The following FLVCR2 variants were observed in gnomAD, a reference collection of about 807,000 sequenced individuals.
FLVCR2 encodes choline/ethanolamine transporter FLVCR2.
In FLVCR2, 38 loss-of-function variants were observed where a neutral mutation model predicts 48.9. The observed-to-expected ratio is 0.78, with a 90% CI of 0.60 to 1.02. The LOEUF is 1.02. FLVCR2 is among the 50% of genes least tolerant of loss of function. The pLI, the probability that FLVCR2 is intolerant of heterozygous loss-of-function variation, is 0.00. For synonymous variants in FLVCR2, 255 were observed against 257.0 expected, an observed-to-expected ratio of 0.99 and a Z score of 0.07; for missense variants, 664 against 663.3, an observed-to-expected ratio of 1.00 and a Z score of -0.01.
At chr14:75,609,749 A>G (rs1889389776) in intron 1 of FLVCR2, among the ~76,000 whole-genome samples, 1 of 152,224 alleles carries the variant, frequency 6.6e-6, no homozygotes, top group Non-Finnish European at 1.5e-5. Flanking sequence ...CAGATTTAGA[A>G]GGAAACATGG....
At chr14:75,642,366 G>T (rs1275324924) in intron 9 of FLVCR2, among the ~76,000 whole-genome samples, 1 of 152,232 alleles carries the variant, frequency 6.6e-6, no homozygotes, top group Non-Finnish European at 1.5e-5. Flanking sequence ...GGGCCATGGG[G>T]ACGGAGCCAA....
chr14:75,636,319 G>A (rs771904498), intron 5 of FLVCR2, among the ~76,000 whole-genome samples: 1 of 152,088 alleles, frequency 6.6e-6, no homozygotes, highest in Non-Finnish European at 1.5e-5. Context: ...GGGAGGTGGC[G>A]ACGAGGAGCC....
chr14:75,645,575 C>T (rs1229521844), intron 9 of FLVCR2, among the ~76,000 whole-genome samples: 1 of 152,188 alleles, frequency 6.6e-6, no homozygotes, highest in Non-Finnish European at 1.5e-5. Context: ...ATTGAGCTTA[C>T]ATATGCAATT....
intron 1 of FLVCR2, among the ~76,000 whole-genome samples, chr14:75,584,404 TGCATATTGA>T (rs1468612418): frequency 8.5e-6 from 1 of 117,728 alleles, no homozygotes; most frequent in Non-Finnish European, 1.7e-5. Context: ...GGTGATAAAA[TGCATATTGA>T]GAATAAGGCG....
chr14:75,583,680 TA>T (rs1017256506), intron 1 of FLVCR2, among the ~76,000 whole-genome samples: 110 of 152,114 alleles, frequency 7.2e-4, no homozygotes, highest in African/African-American at 2.6e-3. Context: ...TGGGGATAAC[TA>T]AAAAGGAGTG....
At chr14:75,580,893 G>C (rs1156369910) in intron 1 of FLVCR2, among the ~76,000 whole-genome samples, 2 of 152,168 alleles carry the variant, frequency 1.3e-5, no homozygotes, top group Non-Finnish European at 2.9e-5. Flanking sequence ...GGTCACAGGG[G>C]ATAGGATGGC....
intron 1 of FLVCR2, among the ~76,000 whole-genome samples, chr14:75,585,874 G>T (rs11628820): frequency 0.013 from 1,924 of 152,286 alleles, 24 homozygotes; most frequent in South Asian, 0.027. Flanking sequence ...TAGCAAGAGA[G>T]GAAGATTGAA....
intron 4 of FLVCR2, among the ~76,000 whole-genome samples, chr14:75,634,636 T>A (rs1187114513): frequency 3.9e-5 from 6 of 152,214 alleles, no homozygotes; most frequent in South Asian, 2.1e-4. Flanking sequence ...TTACATTTTT[T>A]AAAAAATTTG....
chr14:75,584,305 T>G (rs1181150532), intron 1 of FLVCR2, among the ~76,000 whole-genome samples: 1 of 152,234 alleles, frequency 6.6e-6, no homozygotes, highest in Non-Finnish European at 1.5e-5. Flanking sequence ...ATTGTACACC[T>G]TGAAGGCGAG....
At chr14:75,589,058 T>TA (rs1566782843) in intron 1 of FLVCR2, among the ~76,000 whole-genome samples, 37 of 151,922 alleles carry the variant, frequency 2.4e-4, no homozygotes, top group African/African-American at 7.5e-4. Flanking sequence ...ATTTTTTTTT[T>TA]TAAAAAAAGA....
At chr14:75,601,188 G>A (rs1286964059) in intron 1 of FLVCR2, among the ~76,000 whole-genome samples, 1 of 152,276 alleles carries the variant, frequency 6.6e-6, no homozygotes, top group African/African-American at 2.4e-5. Flanking sequence ...TGAATTAATT[G>A]CAGCAGGAAC....
chr14:75,604,528 G>A (rs1041284344), intron 1 of FLVCR2, among the ~76,000 whole-genome samples: 2 of 151,644 alleles, frequency 1.3e-5, no homozygotes, highest in Non-Finnish European at 2.9e-5. Context: ...TTCAAGACCA[G>A]CCTGGGCAAC....
chr14:75,614,926 G>A (rs963230814), intron 1 of FLVCR2, among the ~76,000 whole-genome samples: 1 of 152,132 alleles, frequency 6.6e-6, no homozygotes, highest in African/African-American at 2.4e-5. Flanking sequence ...GAATACCATG[G>A]GAGAAACTGC....
chr14:75,613,349 G>A (rs910929611), intron 1 of FLVCR2, among the ~76,000 whole-genome samples: 17 of 152,106 alleles, frequency 1.1e-4, no homozygotes, highest in East Asian at 7.7e-4. Flanking sequence ...AAGAGTAGGA[G>A]CAAGAGAGAG....
chr14:75,584,994 A>G (rs1305102658), intron 1 of FLVCR2, among the ~76,000 whole-genome samples: 1 of 152,034 alleles, frequency 6.6e-6, no homozygotes, highest in Admixed American at 6.6e-5. Flanking sequence ...AAAACTGTAA[A>G]CCAGACAGTG....
At chr14:75,606,965 T>C (rs543774530) in intron 1 of FLVCR2, among the ~76,000 whole-genome samples, 1 of 151,686 alleles carries the variant, frequency 6.6e-6, no homozygotes, top group Non-Finnish European at 1.5e-5. Flanking sequence ...AAAAGCAAAT[T>C]CCTGGGCACC....
rs564333209 is a variant in FLVCR2, at chr14:75,613,770, C to T, written c.670-8309C>T. ...TTCACCAGGTTGGCCAGGCTGGTCTCAAACTCCTGACCTCAAATGATCCAC... is the reference window on the plus strand; with the variant it reads ...TTCACCAGGTTGGCCAGGCTGGTCTTAAACTCCTGACCTCAAATGATCCAC... On this transcript the variant is annotated intron_variant, in intron 1 of 9. Transcript: ENST00000238667. 5.3e-5 allele frequency among the ~76,000 whole-genome samples: 8 copies of T among 152,236 alleles called. No individual in the cohort carries two copies. In the South Asian group the frequency reaches 1.7e-3, roughly 32 times the overall value.
At position 75,589,935 on chromosome 14, in the gene FLVCR2, G is replaced by A. The variant is rs183098723; in HGVS notation, c.669+10294G>A. ...TGGACAGTGAATGCTGAGGTCCCAC[G>A]GTGACTATCTGGAAACCTTGCTGTC... On this transcript the variant is annotated intron_variant, in intron 1 of 9. Coordinates refer to ENST00000238667, the MANE Select transcript of FLVCR2 (RefSeq NM_017791.3). Among the ~76,000 whole-genome samples the A allele has an allele frequency of 3.5e-4, 54 of 152,296 alleles. No individual in the cohort carries two copies. In the East Asian group the frequency reaches 8.5e-3, roughly 24 times the overall value.
chr14:75,578,913 G>A lies in FLVCR2; in HGVS notation c.-60G>A, dbSNP rs1287245924. On this transcript the variant is annotated 5_prime_UTR_variant, in exon 1 of 10. Transcript: ENST00000238667. ...CTCTAAGAGACCAGCAGAGGCCACTGTCCCTTAAGACTGCCGGAGTCCTCA... is the reference window on the plus strand; with the variant it reads ...CTCTAAGAGACCAGCAGAGGCCACTATCCCTTAAGACTGCCGGAGTCCTCA... The A allele has an allele frequency of 4.7e-6, 7 of 1,503,774 alleles. No homozygotes were observed. The highest frequency in any genetic ancestry group is 6.5e-6 in the Non-Finnish European group (7 of 1,080,466). 93.2% of individuals were successfully genotyped at this position (1,503,774 alleles called of 1,614,324 possible).
Sources: allele counts gnomAD v4.1 joint callset (sites outside exome capture counted in the v4.1 genomes callset), GRCh38; gene constraint gnomAD v4.1.1; transcripts MANE v1.5; gene names NCBI Gene and HGNC (gene_info 2026-07-23, HGNC 2026-07-21).